RABEPK: variants seen among roughly 807,000 people sequenced by gnomAD.
RABEPK encodes 40 kDa Rab9 effector protein.
RABEPK carries 27 observed loss-of-function variants against 34.1 expected under a neutral mutation model. That is an observed-to-expected ratio of 0.79 (90% CI 0.58 to 1.09). The LOEUF (loss-of-function observed/expected upper bound fraction) is 1.09. RABEPK is among the 50% of genes least tolerant of loss of function. The pLI is 0.00. For missense variants in RABEPK, 449 were observed against 462.6 expected, an observed-to-expected ratio of 0.97 and a Z score of 0.27; for synonymous variants, 172 against 169.2, an observed-to-expected ratio of 1.02 and a Z score of -0.13.
chr9:125,233,448 C>G (rs923530103), intron 7 of RABEPK, among the ~76,000 whole-genome samples: 1 of 149,694 alleles, frequency 6.7e-6, no homozygotes, highest in African/African-American at 2.5e-5. Flanking sequence ...ACGCCATTCT[C>G]CTGCCTCAGC....
At chr9:125,215,718 T>C (rs540940421) in intron 4 of RABEPK, among the ~76,000 whole-genome samples, 9 of 152,184 alleles carry the variant, frequency 5.9e-5, no homozygotes, top group Non-Finnish European at 1.2e-4. Flanking sequence ...TTTTTACCAT[T>C]ATAATTAACA....
chr9:125,217,159 G>C (rs1422220383), intron 4 of RABEPK, among the ~76,000 whole-genome samples: 1 of 152,040 alleles, frequency 6.6e-6, no homozygotes, highest in Non-Finnish European at 1.5e-5. Context: ...TCTGTTTTCT[G>C]TCACATTGGA....
chr9:125,200,890 A>G lies in RABEPK; in HGVS notation c.-23A>G, dbSNP rs1829864537. The G allele has an allele frequency of 2.1e-6, 1 of 470,820 alleles. No homozygotes were observed. Among genetic ancestry groups the G allele is most frequent in the South Asian group, 1.5e-5 (1 of 64,572 alleles). The allele number at this position is 470,820 out of a possible 1,614,324, so 29.2% of individuals were successfully genotyped here. A position where few individuals can be genotyped will look rare whatever the true frequency, so the allele number is the denominator to read the frequency against. On this transcript the variant is annotated 5_prime_UTR_variant, in exon 1 of 8. Coordinates refer to ENST00000373538, the MANE Select transcript of RABEPK (RefSeq NM_005833.4). ...GCTCTGGACTTTGGGGACAGCTGTC[A>G]GTGGCCTAGGCCGCAGGTGAGATTT...
chr9:125,222,640 G>A (rs773437131), intron 5 of RABEPK, among the ~76,000 whole-genome samples: 9 of 150,014 alleles, frequency 6.0e-5, no homozygotes, highest in Non-Finnish European at 7.4e-5. Flanking sequence ...CTTGAACCCC[G>A]GAGGCGGAGG....
At position 125,207,559 on chromosome 9, in the gene RABEPK, G is replaced by T; in HGVS notation, c.54-5G>T. On this transcript the variant is annotated splice_polypyrimidine_tract_variant and splice_region_variant and intron_variant, in intron 2 of 7. Transcript: ENST00000373538. Reference sequence around the variant, plus strand: ...GGCCTCCTGAATACATCCTTCCTTTGGCAGGTACACCTTGACTGTCCCTGG... The same window carrying T: ...GGCCTCCTGAATACATCCTTCCTTTTGCAGGTACACCTTGACTGTCCCTGG... 6.2e-7 allele frequency: 1 copy of T among 1,613,362 alleles called. No homozygotes were observed. The highest frequency in any genetic ancestry group is 8.5e-7 in the Non-Finnish European group (1 of 1,179,324).
At position 125,200,924 on chromosome 9, in the gene RABEPK, A is replaced by G. The variant is rs1564168208; in HGVS notation, c.-7+18A>G. ...GGCCGCAGGTGAGATTTATCCATTC[A>G]TCTCTCAATCTATTTTCTTTCTTCA... On this transcript the variant is annotated intron_variant, in intron 1 of 7. Coordinates refer to ENST00000373538, the MANE Select transcript of RABEPK (RefSeq NM_005833.4). 4.4e-6 allele frequency: 2 copies of G among 456,094 alleles called. No individual in the cohort carries two copies. The allele number at this position is 456,094 out of a possible 1,614,324, so 28.3% of individuals were successfully genotyped here. A position where few individuals can be genotyped will look rare whatever the true frequency, so the allele number is the denominator to read the frequency against.
intron 5 of RABEPK, among the ~76,000 whole-genome samples, chr9:125,226,010 C>T (rs916352633): frequency 1.3e-5 from 2 of 150,322 alleles, no homozygotes; most frequent in South Asian, 2.1e-4. Flanking sequence ...TTTAGCTGGG[C>T]GTGGTGGTGC....
At chr9:125,226,846 A>C (rs1192987745) in intron 5 of RABEPK, among the ~76,000 whole-genome samples, 1 of 150,344 alleles carries the variant, frequency 6.7e-6, no homozygotes, top group Non-Finnish European at 1.5e-5. Flanking sequence ...CCTGGGCGAC[A>C]GAGCGAGACT....
intron 2 of RABEPK, among the ~76,000 whole-genome samples, chr9:125,205,500 T>G (rs930169816): frequency 2.0e-5 from 3 of 152,198 alleles, no homozygotes; most frequent in African/African-American, 7.2e-5. Flanking sequence ...TTTTTAGTTT[T>G]TGTTTGTCTT....
In RABEPK at chr9:125,232,701, T is replaced by A. The variant is rs1260164826; in HGVS notation, c.782T>A (p.Met261Lys). ...MGKHVYIFGG[M>K]TPAGALDTMY... Reference sequence around the variant, plus strand: ...AAACATGTGTACATCTTTGGTGGAATGACTCCTGCAGGAGCACTGGACACA... The same window carrying A: ...AAACATGTGTACATCTTTGGTGGAAAGACTCCTGCAGGAGCACTGGACACA... Residue 261 changes from methionine to lysine, a missense_variant, in exon 7 of 8, where the codon ATG (methionine) becomes AAG (lysine). By Grantham distance (95) the Met-to-Lys change is moderately conservative. Coordinates refer to ENST00000373538, the MANE Select transcript of RABEPK (RefSeq NM_005833.4). 4 of 1,614,002 alleles carry A rather than the reference T, an allele frequency of 2.5e-6. No homozygotes were observed. The Admixed American group carries it at 6.7e-5, about 27-fold the overall frequency.
At chr9:125,212,223 TTTTG>T (rs941360051) in intron 3 of RABEPK, among the ~76,000 whole-genome samples, 14 of 152,106 alleles carry the variant, frequency 9.2e-5, no homozygotes, top group South Asian at 2.1e-4. Flanking sequence ...GGTTAGGGTT[TTTTG>T]TTTGTTTGTT....
At chr9:125,212,281 G>A (rs184523269) in intron 3 of RABEPK, among the ~76,000 whole-genome samples, 7 of 152,246 alleles carry the variant, frequency 4.6e-5, no homozygotes, top group East Asian at 1.9e-4. Flanking sequence ...AGGCTGGAGC[G>A]CAATCTCAGC....
chr9:125,217,439 TGCCAAG>T (rs964036597), intron 4 of RABEPK, among the ~76,000 whole-genome samples: 15 of 152,066 alleles, frequency 9.9e-5, no homozygotes, highest in African/African-American at 3.6e-4. Context: ...CTCACTGTGT[TGCCAAG>T]GCTGGAGTGC....
intron 3 of RABEPK, among the ~76,000 whole-genome samples, chr9:125,208,778 A>C (rs889088500): frequency 1.3e-5 from 2 of 150,326 alleles, no homozygotes; most frequent in Admixed American, 1.3e-4. Flanking sequence ...CTCATGATTC[A>C]CCCTTCTTGG....
chr9:125,200,669 G>C lies in RABEPK; in HGVS notation c.-244G>C, dbSNP rs776510930. ...GGCAGGGAGTCTGAATCTTTTAGGG[G>C]AGTGGGCCCAAGCCGGGTGCAAAGA... On this transcript the variant is annotated 5_prime_UTR_variant, in exon 1 of 8. Transcript: ENST00000373538. The C allele has an allele frequency of 5.7e-5, 27 of 471,074 alleles. No individual in the cohort carries two copies. The highest frequency in any genetic ancestry group is 2.3e-4 in the South Asian group (15 of 64,582). The allele number at this position is 471,074 out of a possible 1,614,324, so 29.2% of individuals were successfully genotyped here.
intron 2 of RABEPK, among the ~76,000 whole-genome samples, chr9:125,205,878 GT>G (rs1444710445): frequency 7.2e-5 from 11 of 152,064 alleles, no homozygotes; most frequent in African/African-American, 2.7e-4. Flanking sequence ...ATATAGATGA[GT>G]GATAATTGAA....
chr9:125,226,636 T>C (rs1461273835), intron 5 of RABEPK, among the ~76,000 whole-genome samples: 2 of 151,910 alleles, frequency 1.3e-5, no homozygotes, highest in East Asian at 1.9e-4. Context: ...GAGGCCAAGG[T>C]GGGCGAATCA....
At chr9:125,228,680 A>AG (rs1244303535) in intron 6 of RABEPK, among the ~76,000 whole-genome samples, 5 of 148,338 alleles carry the variant, frequency 3.4e-5, no homozygotes, top group Non-Finnish European at 5.9e-5. Context: ...AAAAAAAAAA[A>AG]AAGCCGGGCT....
intron 3 of RABEPK, among the ~76,000 whole-genome samples, chr9:125,210,673 A>G (rs1287059906): frequency 6.9e-6 from 1 of 144,268 alleles, no homozygotes; most frequent in Non-Finnish European, 1.5e-5. Context: ...ATGCCACTGC[A>G]CTCCAGTCTG....
Sources: allele counts gnomAD v4.1 joint callset (sites outside exome capture counted in the v4.1 genomes callset), GRCh38; gene constraint gnomAD v4.1.1; transcripts MANE v1.5; gene names NCBI Gene and HGNC (gene_info 2026-07-23, HGNC 2026-07-21).